ARPC2: variants seen among roughly 807,000 people sequenced by gnomAD.
The protein encoded by ARPC2 is actin related protein 2/3 complex subunit 2.
ARPC2 carries 4 observed loss-of-function variants against 38.6 expected under a neutral mutation model. That is an observed-to-expected ratio of 0.10 (90% CI 0.05 to 0.24). The LOEUF is 0.24. Ranked by LOEUF, ARPC2 falls within the 10% of genes least tolerant of loss-of-function variation. The pLI is 1.00. For synonymous variants in ARPC2, 125 were observed against 140.8 expected (o/e 0.89, Z 0.79); for missense variants, 229 against 387.3 (o/e 0.59, Z 3.43).
At chr2:218,217,649 C>A in intron 2 of ARPC2, 105 bp downstream of exon 2, 1 of 1,239,212 alleles carries the variant, frequency 8.1e-7, no homozygotes, top group Non-Finnish European at 1.1e-6. Flanking sequence ...AAATGGGGTG[C>A]CTGGCAGGGT....
chr2:218,234,241 G>A, intron 4 of ARPC2, 111 bp from the exon 5 acceptor site: 1 of 797,544 alleles, frequency 1.3e-6, no homozygotes, highest in South Asian at 1.9e-5. Flanking sequence ...ATGAAAGTTA[G>A]GAAGAATGCC....
At chr2:218,238,635 T>TTTGTTTC in intron 5 of ARPC2, 29 bp from the exon 6 acceptor site, 1 of 1,476,484 alleles carries the variant, frequency 6.8e-7, no homozygotes, top group Non-Finnish European at 9.1e-7. Context: ...TGGGTTGTTT[T>TTTGTTTC]TTGTTTCTTG....
At chr2:218,238,005 C>T (rs933635037) in intron 5 of ARPC2, among the ~76,000 whole-genome samples, 6 of 152,114 alleles carry the variant, frequency 3.9e-5, no homozygotes, top group African/African-American at 1.4e-4. Context: ...TTTCCCTCTG[C>T]AAAACAGTAA....
At chr2:218,217,692 G>A (rs542291035) in intron 2 of ARPC2, 148 bp downstream of exon 2, 16 of 831,330 alleles carry the variant, frequency 1.9e-5, no homozygotes, top group Non-Finnish European at 2.8e-5. Context: ...AGACGTGGGA[G>A]GCGATTGGGC....
chr2:218,239,117 G>T, intron 6 of ARPC2: 1 of 569,984 alleles, frequency 1.8e-6, no homozygotes, highest in Non-Finnish European at 3.1e-6. Context: ...TAAGAGTATA[G>T]CCTGGATAAT....
chr2:218,221,637 G>A (rs1459540348), intron 2 of ARPC2, among the ~76,000 whole-genome samples: 1 of 152,168 alleles, frequency 6.6e-6, no homozygotes, highest in African/African-American at 2.4e-5. Flanking sequence ...TCCTCATTGT[G>A]TATATAGTCA....
At chr2:218,241,657 G>A (rs567395926) in intron 7 of ARPC2, among the ~76,000 whole-genome samples, 2 of 152,316 alleles carry the variant, frequency 1.3e-5, no homozygotes, top group South Asian at 2.1e-4. Context: ...AGAGTGTACC[G>A]GAGATTTGTT....
chr2:218,227,875 G>A (rs1249818895), intron 3 of ARPC2, among the ~76,000 whole-genome samples: 2 of 152,178 alleles, frequency 1.3e-5, no homozygotes, highest in Admixed American at 6.5e-5. Flanking sequence ...TGGGTTAACA[G>A]GCTTGAGCCA....
intron 8 of ARPC2, among the ~76,000 whole-genome samples, chr2:218,246,835 G>C (rs181866721): frequency 2.6e-5 from 4 of 152,118 alleles, no homozygotes; most frequent in Non-Finnish European, 5.9e-5. Flanking sequence ...GTTGGACATG[G>C]TGACATGTGC....
At chr2:218,244,404 A>G (rs1019938765) in intron 7 of ARPC2, among the ~76,000 whole-genome samples, 38 of 152,250 alleles carry the variant, frequency 2.5e-4, no homozygotes, top group African/African-American at 7.0e-4. Flanking sequence ...ATTCCTGTAC[A>G]GTGTGATGAT....
At chr2:218,219,358 ACT>A (rs1689333008) in intron 2 of ARPC2, among the ~76,000 whole-genome samples, 2 of 146,364 alleles carry the variant, frequency 1.4e-5, no homozygotes, top group Non-Finnish European at 3.0e-5. Flanking sequence ...AACTTCCAGG[ACT>A]TTTTTTTTTT....
intron 7 of ARPC2, among the ~76,000 whole-genome samples, chr2:218,241,587 T>G (rs1689918020): frequency 6.6e-6 from 1 of 152,254 alleles, no homozygotes; most frequent in Non-Finnish European, 1.5e-5. Flanking sequence ...TTTACCAATC[T>G]TATTCCATTT....
intron 2 of ARPC2, among the ~76,000 whole-genome samples, chr2:218,220,802 C>T (rs1028688847): frequency 6.6e-6 from 1 of 152,032 alleles, no homozygotes; most frequent in Non-Finnish European, 1.5e-5. Context: ...AAACAGATTG[C>T]TTTTTAATTT....
At chr2:218,240,900 AAAG>A (rs1382497469) in intron 7 of ARPC2, among the ~76,000 whole-genome samples, 1 of 149,090 alleles carries the variant, frequency 6.7e-6, no homozygotes, top group African/African-American at 2.5e-5. Context: ...ACTCAAAAAA[AAAG>A]AGAGTCCTGA....
chr2:218,229,056 CA>C (rs1273129532), intron 4 of ARPC2: 3 of 416,102 alleles, frequency 7.2e-6, no homozygotes, highest in Non-Finnish European at 1.3e-5. Flanking sequence ...ACAATGGAAA[CA>C]AAAATAGCTT....
chr2:218,239,685 C>T, intron 7 of ARPC2: 1 of 502,688 alleles, frequency 2.0e-6, no homozygotes. Flanking sequence ...CCTCCGCCTC[C>T]CAGGTTCAAG....
intron 3 of ARPC2, 40 bp downstream of exon 3, chr2:218,225,994 A>G (rs1222040885): frequency 1.9e-6 from 3 of 1,606,024 alleles, no homozygotes; most frequent in African/African-American, 2.7e-5. Flanking sequence ...AGAAGGTACA[A>G]TATGAAAAAT....
At chr2:218,230,481 G>A (rs1689609852) in intron 4 of ARPC2, among the ~76,000 whole-genome samples, 1 of 151,250 alleles carries the variant, frequency 6.6e-6, no homozygotes, top group Non-Finnish European at 1.5e-5. Context: ...TTGTTCTTTA[G>A]AGAGAGGAGG....
At chr2:218,246,352 C>T (rs1370588221) in intron 8 of ARPC2, among the ~76,000 whole-genome samples, 1 of 150,892 alleles carries the variant, frequency 6.6e-6, no homozygotes, top group Non-Finnish European at 1.5e-5. Context: ...GTGAAACACT[C>T]CGTCTCTACC....
Sources: gnomAD v4.1 joint callset for allele counts (sites outside exome capture counted in the v4.1 genomes callset) on GRCh38, gnomAD v4.1.1 for gene constraint, MANE v1.5 for transcripts, NCBI Gene and HGNC (gene_info 2026-07-23, HGNC 2026-07-21) for gene names.